The following TNIP3 variants were observed in gnomAD, a reference collection of about 807,000 sequenced individuals.
TNIP3 encodes TNFAIP3 interacting protein 3.
In TNIP3, 34 loss-of-function variants were observed where a neutral mutation model predicts 54.1. The ratio of observed to expected loss-of-function variants is 0.63; its 90% CI spans 0.48 to 0.84. TNIP3 has a LOEUF of 0.84. Ranked by LOEUF, TNIP3 falls within the 40% of genes least tolerant of loss-of-function variation. The pLI, the probability that TNIP3 is intolerant of heterozygous loss-of-function variation, is 0.00. For synonymous variants in TNIP3, 134 were observed against 136.8 expected (o/e 0.98, Z 0.14); for missense variants, 366 against 387.6 (o/e 0.94, Z 0.47).
At chr4:121,208,019 C>T (rs1726278713) in intron 2 of TNIP3, among the ~76,000 whole-genome samples, 2 of 152,084 alleles carry the variant, frequency 1.3e-5, no homozygotes, top group Admixed American at 1.3e-4. Context: ...TCCGCTTTTG[C>T]ATCTTCCTCA....
At chr4:121,169,666 T>G (rs1318869095) in intron 3 of TNIP3, among the ~76,000 whole-genome samples, 1 of 152,190 alleles carries the variant, frequency 6.6e-6, no homozygotes, top group African/African-American at 2.4e-5. Flanking sequence ...ATCATACATC[T>G]TCTCAAGAGA....
At chr4:121,158,630 T>G in intron 3 of TNIP3, 57 bp downstream of exon 3, 1 of 1,354,222 alleles carries the variant, frequency 7.4e-7, no homozygotes, top group South Asian at 1.2e-5. Context: ...CTTCACACAA[T>G]TGGCCCCACC....
At chr4:121,201,733 A>C (rs1474392280) in intron 2 of TNIP3, among the ~76,000 whole-genome samples, 2 of 152,232 alleles carry the variant, frequency 1.3e-5, no homozygotes, top group Non-Finnish European at 2.9e-5. Context: ...TAATTAATAC[A>C]CACATATTCA....
chr4:121,223,266 C>T (rs1727117927), intron 1 of TNIP3, among the ~76,000 whole-genome samples: 1 of 152,236 alleles, frequency 6.6e-6, no homozygotes, highest in East Asian at 1.9e-4. Context: ...AAGTAAAGGA[C>T]AGCCTGAGCC....
At chr4:121,157,068 G>T in intron 4 of TNIP3, 26 bp downstream of exon 4, 1 of 1,612,822 alleles carries the variant, frequency 6.2e-7, no homozygotes, top group Non-Finnish European at 8.5e-7. Context: ...GGATCCTCCG[G>T]GCTCGAGGAC....
intron 3 of TNIP3, among the ~76,000 whole-genome samples, chr4:121,171,566 A>AGAT (rs1723941515): frequency 6.6e-6 from 1 of 152,196 alleles, no homozygotes; most frequent in African/African-American, 2.4e-5. Context: ...ACAAATTAGT[A>AGAT]GATGAAGAGT....
upstream of TNIP3, among the ~76,000 whole-genome samples, chr4:121,219,368 T>C (rs1249316041): frequency 6.6e-6 from 1 of 152,220 alleles, no homozygotes; most frequent in African/African-American, 2.4e-5. Flanking sequence ...GGAATTCCTA[T>C]ACTGCTAAAG....
At chr4:121,134,983 G>C (rs560187424) in intron 10 of TNIP3, among the ~76,000 whole-genome samples, 117 of 152,112 alleles carry the variant, frequency 7.7e-4, no homozygotes, top group Non-Finnish European at 1.4e-3. Flanking sequence ...TGTGTAGAGT[G>C]GTGAGGGGTG....
Position 121,158,690 on chromosome 4 carries a change from T to C in TNIP3, c.210A>G (p.Arg70=). ...CCGAATAGAGAGAGGTATTTACCTT[T>C]CTTTCATATAACTCTTTCATACTTC... ...QFRSMKELYE[R]KVAELKTKLD... is the part of the protein sequence containing the mutation. Residue 70 remains arginine, a synonymous_variant, in exon 3 of 11, where the codon AGA becomes AGG. Coordinates refer to ENST00000057513, the MANE Select transcript of TNIP3 (RefSeq NM_024873.6). 6.2e-7 allele frequency: 1 copy of C among 1,611,544 alleles called. No homozygotes were observed. The highest frequency in any genetic ancestry group is 8.5e-7 in the Non-Finnish European group (1 of 1,178,218).
At chr4:121,216,035 G>A (rs888169094) in intron 2 of TNIP3, among the ~76,000 whole-genome samples, 1 of 152,010 alleles carries the variant, frequency 6.6e-6, no homozygotes, top group African/African-American at 2.4e-5. Flanking sequence ...GTGAGCTAAG[G>A]ATTAAGCAAA....
rs1579366462 is a variant in TNIP3 at position 121,138,525 on chromosome 4, C to T, written c.946+99G>A. On this transcript the variant is annotated intron_variant, in intron 10 of 10. Transcript: ENST00000057513. ...TATGTAACACAACTTTATAGTAAGT[C>T]CTCCCCAAGTACGAATGAATGTATG... 14 of 1,155,150 alleles carry T rather than the reference C, an allele frequency of 1.2e-5. No homozygotes were observed. In the East Asian group the frequency reaches 3.1e-4, roughly 25 times the overall value. The allele number at this position is 1,155,150 out of a possible 1,614,324, so 71.6% of individuals were successfully genotyped here. A position where few individuals can be genotyped will look rare whatever the true frequency, so the allele number is the denominator to read the frequency against.
intron 2 of TNIP3, among the ~76,000 whole-genome samples, chr4:121,187,108 C>T (rs1725061506): frequency 6.6e-6 from 1 of 152,078 alleles, no homozygotes; most frequent in African/African-American, 2.4e-5. Flanking sequence ...GTTGGAAAAT[C>T]CTCCTTTTTT....
chr4:121,204,912 A>G (rs909294369), intron 2 of TNIP3, among the ~76,000 whole-genome samples: 7 of 152,082 alleles, frequency 4.6e-5, no homozygotes, highest in African/African-American at 1.7e-4. Flanking sequence ...CATTGTTTTA[A>G]TTTGTATTTT....
At chr4:121,199,776 A>G (rs1368074262) in intron 2 of TNIP3, among the ~76,000 whole-genome samples, 1 of 152,224 alleles carries the variant, frequency 6.6e-6, no homozygotes, top group African/African-American at 2.4e-5. Flanking sequence ...AAAGGAAACC[A>G]AGGAAGCCTA....
At chr4:121,210,125 TA>T (rs1434102402) in intron 2 of TNIP3, among the ~76,000 whole-genome samples, 4 of 152,322 alleles carry the variant, frequency 2.6e-5, no homozygotes, top group Middle Eastern at 6.8e-3. Flanking sequence ...CACTTCTAAA[TA>T]AATAAGAACT....
rs375269222 is a variant in TNIP3 at position 121,150,128 on chromosome 4, G to T, written c.584C>A (p.Thr195Lys). 6.2e-6 allele frequency: 10 copies of T among 1,613,280 alleles called. No individual in the cohort carries two copies. Among genetic ancestry groups the T allele is most frequent in the Non-Finnish European group, 8.5e-6 (10 of 1,179,472 alleles). The part of the protein sequence containing the change: ...RVEFCHEEMR[T>K]EMEVLKQQVQ... ...CTGCTGCTTCAGAACTTCCATTTCT[G>T]TTCTCATCTCCTCATGGCAGAATTC... Residue 195 changes from threonine (T) to lysine (K), a missense_variant, in exon 6 of 11, where the codon ACA (threonine) becomes AAA (lysine). Coordinates refer to ENST00000057513, the MANE Select transcript of TNIP3 (RefSeq NM_024873.6).
chr4:121,203,577 A>G (rs1174207894), intron 2 of TNIP3, among the ~76,000 whole-genome samples: 2 of 152,114 alleles, frequency 1.3e-5, no homozygotes, highest in African/African-American at 4.8e-5. Flanking sequence ...AATTACTCAT[A>G]TAACCAAACA....
At chr4:121,158,922 C>T (rs558540627) in intron 2 of TNIP3, among the ~76,000 whole-genome samples, 170 bp from the exon 3 acceptor site, 24 of 152,296 alleles carry the variant, frequency 1.6e-4, no homozygotes, top group African/African-American at 5.8e-4. Flanking sequence ...TGAACACACT[C>T]TCACTGTTTA....
intron 8 of TNIP3, among the ~76,000 whole-genome samples, chr4:121,142,286 A>T (rs1251598206): frequency 6.6e-6 from 1 of 152,214 alleles, no homozygotes; most frequent in Non-Finnish European, 1.5e-5. Flanking sequence ...AAATCCAGAA[A>T]GGAAATTAGG....
Sources: allele counts gnomAD v4.1 joint callset (sites outside exome capture counted in the v4.1 genomes callset), GRCh38; gene constraint gnomAD v4.1.1; transcripts MANE v1.5; gene names NCBI Gene and HGNC (gene_info 2026-07-23, HGNC 2026-07-21).